Variants in CCDC171 observed in about 807,000 individuals in gnomAD.
CCDC171 encodes the protein coiled-coil domain containing 171, also known as coiled-coil domain-containing protein 171.
CCDC171 carries 177 observed loss-of-function variants against 168.2 expected under a neutral mutation model. The observed-to-expected ratio is 1.05, with a 90% CI of 0.93 to 1.19. The LOEUF (loss-of-function observed/expected upper bound fraction) is 1.19, where lower values mean the gene tolerates loss of function less well. CCDC171 is among the 50% of genes most tolerant of loss of function. CCDC171 has a pLI of 0.00. For synonymous variants in CCDC171, 687 were observed against 540.8 expected (o/e 1.27, Z -3.75); for missense variants, 1,991 against 1,539.0 (o/e 1.29, Z -4.91).
chr9:15,828,343 A>AC (rs2060099512), intron 21 of CCDC171, among the ~76,000 whole-genome samples: 1 of 151,630 alleles, frequency 6.6e-6, no homozygotes, highest in South Asian at 2.1e-4. Flanking sequence ...GAAAAAAAAA[A>AC]ACAGGACTTA....
At chr9:16,011,837 T>C (rs917041484) in intron 3 of CCDC171, among the ~76,000 whole-genome samples, 2 of 152,232 alleles carry the variant, frequency 1.3e-5, no homozygotes, top group African/African-American at 2.4e-5. Flanking sequence ...ACTTGTTTCC[T>C]TTCTCTGAGG....
rs1468313029 is a variant in CCDC171 at position 15,815,499 on chromosome 9, T to C, written c.3267+30805T>C. Among the ~76,000 whole-genome samples, 2 of 112,378 alleles carry C rather than the reference T, an allele frequency of 1.8e-5. 1 individual carries two copies. Among genetic ancestry groups the C allele is most frequent in the African/African-American group, 6.7e-5 (2 of 29,930 alleles). 73.7% of individuals were successfully genotyped at this position (112,378 alleles called of 152,430 possible). A position where few individuals can be genotyped will look rare whatever the true frequency, so the allele number is the denominator to read the frequency against. On this transcript the variant is annotated intron_variant, in intron 21 of 25. Coordinates refer to ENST00000380701, the MANE Select transcript of CCDC171 (RefSeq NM_173550.4). ...TCATTATACTAATTCTGGCAGAGGG[T>C]AACATTTTGTGATTATTTACCTCCT...
chr9:15,900,611 A>G (rs1821500168), intron 24 of CCDC171, among the ~76,000 whole-genome samples: 1 of 152,142 alleles, frequency 6.6e-6, no homozygotes, highest in African/African-American at 2.4e-5. Context: ...GTTTCTGGTA[A>G]TTTGTTATGC....
chr9:15,706,244 GCTTC>G (rs535186319), intron 11 of CCDC171, among the ~76,000 whole-genome samples: 1,073 of 77,190 alleles, frequency 0.014, 15 homozygotes, highest in South Asian at 0.052. Context: ...TTCCTTCCTT[GCTTC>G]CTTCCTTCCT....
chr9:15,627,576 C>A (rs181528107), intron 7 of CCDC171, among the ~76,000 whole-genome samples: 1 of 152,136 alleles, frequency 6.6e-6, no homozygotes, highest in African/African-American at 2.4e-5. Context: ...TCGTTATGTA[C>A]CCAGTAGTCA....
the CCDC171 span, among the ~76,000 whole-genome samples, chr9:16,075,199 T>G: frequency 6.6e-6 from 1 of 152,220 alleles, no homozygotes; most frequent in South Asian, 2.1e-4. Flanking sequence ...TCTTTATCTC[T>G]TCCTACTTCT....
chr9:15,629,397 C>T (rs1468667068), intron 7 of CCDC171, among the ~76,000 whole-genome samples: 10 of 151,994 alleles, frequency 6.6e-5, no homozygotes, highest in South Asian at 2.1e-4. Context: ...CCTCAGGAGC[C>T]GATGCTATCA....
At chr9:15,782,792 A>T (rs1251967049) in intron 20 of CCDC171, among the ~76,000 whole-genome samples, 1 of 152,212 alleles carries the variant, frequency 6.6e-6, no homozygotes, top group Non-Finnish European at 1.5e-5. Flanking sequence ...GTTTGGTTGT[A>T]ATAGCACAAT....
intron 6 of CCDC171, among the ~76,000 whole-genome samples, chr9:15,619,605 A>G (rs1260451701): frequency 1.3e-5 from 2 of 152,232 alleles, no homozygotes; most frequent in African/African-American, 2.4e-5. Flanking sequence ...TAAGACTTCT[A>G]CATAATATAA....
At chr9:16,053,112 C>T (rs977015170) in intron 1 of CCDC171, among the ~76,000 whole-genome samples, 35 of 152,336 alleles carry the variant, frequency 2.3e-4, no homozygotes, top group African/African-American at 7.9e-4. Flanking sequence ...CAAATCCTAA[C>T]CGATGGGTGT....
At chr9:15,959,609 A>G (rs1009349284) in intron 25 of CCDC171, among the ~76,000 whole-genome samples, 1 of 152,148 alleles carries the variant, frequency 6.6e-6, no homozygotes, top group Non-Finnish European at 1.5e-5. Flanking sequence ...ACCTACTCCA[A>G]GCGCAGACTG....
At chr9:15,600,335 T>C (rs146187195) in intron 6 of CCDC171, among the ~76,000 whole-genome samples, 263 of 152,292 alleles carry the variant, frequency 1.7e-3, no homozygotes, top group African/African-American at 6.1e-3. Flanking sequence ...CCTTTCTGTT[T>C]GTTAGTTTTC....
At chr9:15,742,165 A>T (rs988087014) in intron 16 of CCDC171, among the ~76,000 whole-genome samples, 1 of 151,454 alleles carries the variant, frequency 6.6e-6, no homozygotes, top group African/African-American at 2.4e-5. Flanking sequence ...CCCTCATCCT[A>T]CTCCCAACTG....
chr9:15,559,064 G>C (rs1000750059), intron 1 of CCDC171, among the ~76,000 whole-genome samples: 1 of 152,106 alleles, frequency 6.6e-6, no homozygotes, highest in Non-Finnish European at 1.5e-5. Context: ...TCTTAATCCT[G>C]AGTTGTAGTT....
At chr9:15,814,043 G>A (rs1216933613) in intron 21 of CCDC171, among the ~76,000 whole-genome samples, 1 of 152,166 alleles carries the variant, frequency 6.6e-6, no homozygotes, top group African/African-American at 2.4e-5. Context: ...CACTTGTGTG[G>A]TTCCTTTGAC....
chr9:15,892,286 C>A (rs765196793), intron 24 of CCDC171, among the ~76,000 whole-genome samples: 7 of 152,074 alleles, frequency 4.6e-5, no homozygotes, highest in Non-Finnish European at 8.8e-5. Context: ...TGCCAGTTGT[C>A]AAGGGGAATG....
At chr9:16,052,713 CT>C (rs1416277460) in intron 1 of CCDC171, among the ~76,000 whole-genome samples, 4 of 152,154 alleles carry the variant, frequency 2.6e-5, no homozygotes, top group African/African-American at 9.7e-5. Flanking sequence ...ATCTCAAGCT[CT>C]GAATTTGTCC....
chr9:15,696,122 A>G (rs1003107575), intron 11 of CCDC171, among the ~76,000 whole-genome samples: 13 of 152,224 alleles, frequency 8.5e-5, no homozygotes, highest in Non-Finnish European at 1.9e-4. Context: ...CAAAAGGCAC[A>G]TAAAATTAAA....
chr9:16,100,765 G>A, the CCDC171 span, among the ~76,000 whole-genome samples: 303 of 152,274 alleles, frequency 2.0e-3, 1 homozygote, highest in African/African-American at 6.9e-3. Flanking sequence ...CTGGTTCAGG[G>A]GAGTTTTCTG....
Sources: allele counts gnomAD v4.1 joint callset (sites outside exome capture counted in the v4.1 genomes callset), GRCh38; gene constraint gnomAD v4.1.1; transcripts MANE v1.5; gene names NCBI Gene and HGNC (gene_info 2026-07-23, HGNC 2026-07-21).